Variants in RIN2 observed in about 807,000 individuals in gnomAD.
RIN2 encodes the protein Ras and Rab interactor 2, also known as RAB5 interacting protein 2.
RIN2 carries 36 observed loss-of-function variants against 78.0 expected under a neutral mutation model. The ratio of observed to expected loss-of-function variants is 0.46; its 90% CI spans 0.35 to 0.61. The LOEUF (loss-of-function observed/expected upper bound fraction) is 0.61, where lower values mean the gene tolerates loss of function less well. Ranked by LOEUF, RIN2 falls within the 20% of genes least tolerant of loss-of-function variation. The probability of loss-of-function intolerance (pLI) is 0.00; values close to 1 mark genes in which losing one functional copy is unlikely to be tolerated. For synonymous variants in RIN2, 466 were observed against 466.8 expected, an observed-to-expected ratio of 1.00 and a Z score of 0.02; for missense variants, 1,087 against 1,159.7, an observed-to-expected ratio of 0.94 and a Z score of 0.91.
chr20:19,934,781 T>A (rs1600856247), intron 3 of RIN2, among the ~76,000 whole-genome samples: 1 of 152,138 alleles, frequency 6.6e-6, no homozygotes, highest in East Asian at 1.9e-4. Context: ...TCTATATTCA[T>A]GTTGAGAAAG....
At chr20:19,910,374 T>C (rs540914793) in intron 3 of RIN2, among the ~76,000 whole-genome samples, 18 of 144,236 alleles carry the variant, frequency 1.2e-4, no homozygotes, top group Non-Finnish European at 2.8e-4. Flanking sequence ...GGTTTCACCA[T>C]GTTGGCCAGG....
At chr20:19,781,711 A>C (rs2034512972) in intron 1 of RIN2, among the ~76,000 whole-genome samples, 1 of 152,084 alleles carries the variant, frequency 6.6e-6, no homozygotes, top group South Asian at 2.1e-4. Flanking sequence ...TGAAGGCCTG[A>C]GCCACAGCGC....
At chr20:19,836,627 A>C (rs955579391) in intron 2 of RIN2, among the ~76,000 whole-genome samples, 1 of 152,054 alleles carries the variant, frequency 6.6e-6, no homozygotes, top group Non-Finnish European at 1.5e-5. Flanking sequence ...ATTTATCTAA[A>C]TCTTTCTTCA....
intron 2 of RIN2, among the ~76,000 whole-genome samples, chr20:19,847,775 T>C (rs6112612): frequency 0.038 from 5,796 of 152,328 alleles, 143 homozygotes; most frequent in Middle Eastern, 0.061. Context: ...TAATCTTACT[T>C]TTTAATCTGG....
Position 19,886,698 on chromosome 20 carries a change from CT to C in RIN2, c.-36-2865del, listed in dbSNP as rs72242041. On this transcript the variant is annotated intron_variant, in intron 2 of 12. Transcript: ENST00000255006. The stretch of plus-strand genomic sequence containing the variant: ...TTGGACTCATTTTCTCAAGAATCCA[CT>C]TTACCCTTCAGGGAAGCCAGGAAAA... 6,303 of 1,539,418 alleles carry C rather than the reference CT, an allele frequency of 4.1e-3. 200 individuals are homozygous for C. In the African/African-American group the frequency reaches 0.072, roughly 18 times the overall value.
At chr20:19,910,934 G>A (rs969072243) in intron 3 of RIN2, among the ~76,000 whole-genome samples, 3 of 152,044 alleles carry the variant, frequency 2.0e-5, no homozygotes, top group East Asian at 1.9e-4. Flanking sequence ...TTCAAAGAAC[G>A]CTTATATATC....
intron 2 of RIN2, among the ~76,000 whole-genome samples, chr20:19,826,089 T>C (rs1324344241): frequency 6.8e-6 from 1 of 147,576 alleles, no homozygotes; most frequent in Admixed American, 6.8e-5. Context: ...ATATGCATTA[T>C]TATGGTTAAT....
chr20:19,810,415 T>G (rs1409634970), intron 2 of RIN2, among the ~76,000 whole-genome samples: 1 of 151,148 alleles, frequency 6.6e-6, no homozygotes, highest in East Asian at 2.0e-4. Flanking sequence ...CTCAAAGAAA[T>G]GAAAAAAGAA....
chr20:19,782,784 A>G (rs2034551456), intron 1 of RIN2, among the ~76,000 whole-genome samples: 1 of 152,078 alleles, frequency 6.6e-6, no homozygotes, highest in Non-Finnish European at 1.5e-5. Flanking sequence ...GCATCACTCA[A>G]GTTGATCTGT....
chr20:19,833,776 T>A (rs1182566935), intron 2 of RIN2, among the ~76,000 whole-genome samples: 1 of 152,140 alleles, frequency 6.6e-6, no homozygotes, highest in East Asian at 1.9e-4. Context: ...CCCTATGAGA[T>A]GCAAGGCAGC....
Position 19,981,031 on chromosome 20 carries a change from G to A in RIN2, c.1762+5244G>A, listed in dbSNP as rs80108306. 1.9e-3 allele frequency among the ~76,000 whole-genome samples: 291 copies of A among 152,194 alleles called. 1 individual carries two copies. Among genetic ancestry groups the A allele is most frequent in the African/African-American group, 6.6e-3 (274 of 41,540 alleles). On this transcript the variant is annotated intron_variant, in intron 9 of 12. Transcript: ENST00000255006. ...GTGAGAGCACTGGTAATCACTCCTC[G>A]TGGGCGGCCCTGTGTGGTTTACAAA...
At chr20:19,980,896 C>T (rs140254390) in intron 9 of RIN2, among the ~76,000 whole-genome samples, 15 of 152,312 alleles carry the variant, frequency 9.8e-5, no homozygotes, top group African/African-American at 3.1e-4. Flanking sequence ...GACACAGTAT[C>T]CACTTTGGAG....
At chr20:19,844,602 T>TGCTGCTGCTG (rs1286885464) in intron 2 of RIN2, among the ~76,000 whole-genome samples, 47 of 15,504 alleles carry the variant, frequency 3.0e-3, no homozygotes, top group African/African-American at 9.5e-3. Flanking sequence ...TGCTTCTTCC[T>TGCTGCTGCTG]CTTCTTCTTC....
intron 9 of RIN2, among the ~76,000 whole-genome samples, chr20:19,978,153 C>T (rs770376467): frequency 4.7e-4 from 72 of 151,978 alleles, no homozygotes; most frequent in Non-Finnish European, 3.5e-4. Context: ...TGGTCTATGT[C>T]TGCTTTAAAA....
intron 2 of RIN2, among the ~76,000 whole-genome samples, chr20:19,853,138 T>G (rs553812253): frequency 6.6e-6 from 1 of 150,818 alleles, no homozygotes; most frequent in South Asian, 2.1e-4. Flanking sequence ...CGGTGTTTGG[T>G]TTTTTGTCCT....
intron 1 of RIN2, among the ~76,000 whole-genome samples, chr20:19,786,915 G>T (rs1480538013): frequency 6.6e-6 from 1 of 152,152 alleles, no homozygotes; most frequent in East Asian, 1.9e-4. Context: ...TACTTGCAAA[G>T]CTTTATGTAT....
At chr20:19,813,281 G>T (rs1013339060) in intron 2 of RIN2, among the ~76,000 whole-genome samples, 4 of 152,236 alleles carry the variant, frequency 2.6e-5, no homozygotes, top group African/African-American at 9.6e-5. Context: ...AGGAAATCAA[G>T]AAATATGAGG....
chr20:19,876,052 C>T (rs1020951343), intron 2 of RIN2, among the ~76,000 whole-genome samples: 14 of 152,122 alleles, frequency 9.2e-5, no homozygotes, highest in South Asian at 2.1e-4. Flanking sequence ...TTCAGGGGAA[C>T]GGAATGTGAA....
At chr20:19,993,566 C>T (rs891521236) in intron 11 of RIN2, among the ~76,000 whole-genome samples, 1 of 152,210 alleles carries the variant, frequency 6.6e-6, no homozygotes, top group Non-Finnish European at 1.5e-5. Context: ...CTCCCGTACC[C>T]GATCCCAGGC....
Sources: allele counts gnomAD v4.1 joint callset (sites outside exome capture counted in the v4.1 genomes callset), GRCh38; gene constraint gnomAD v4.1.1; transcripts MANE v1.5; gene names NCBI Gene and HGNC (gene_info 2026-07-23, HGNC 2026-07-21).